RAB38: variants seen among roughly 807,000 people sequenced by gnomAD.
The protein encoded by RAB38 is RAB38, member RAS oncogene family.
In RAB38, 15 loss-of-function variants were observed where a neutral mutation model predicts 18.4. That is an observed-to-expected ratio of 0.82 (90% CI 0.55 to 1.26). The LOEUF is 1.26. Among genes scored for constraint, RAB38 ranks in the 50% most tolerant of loss-of-function variants. The pLI is 0.00. For missense variants in RAB38, 294 were observed against 267.4 expected (o/e 1.10, Z -0.69); for synonymous variants, 101 against 104.4 (o/e 0.97, Z 0.20).
chr11:88,121,730 T>C (rs1402941581), intron 2 of RAB38, among the ~76,000 whole-genome samples: 1 of 152,218 alleles, frequency 6.6e-6, no homozygotes, highest in Middle Eastern at 3.4e-3. Context: ...GCCCAGCTAA[T>C]TTTTTGTATT....
In RAB38 at chr11:88,158,786, C is replaced by T. The variant is rs78694455; in HGVS notation, c.203-8831G>A. Among the ~76,000 whole-genome samples the T allele has an allele frequency of 5.5e-3, 829 of 151,990 alleles. 3 individuals carry two copies. Among genetic ancestry groups the T allele is most frequent in the African/African-American group, 0.019 (791 of 41,472 alleles). On this transcript the variant is annotated intron_variant, in intron 1 of 2. Transcript: ENST00000243662. ...CATGCCTCAACATAATAAGAGTGAT[C>T]GATGACAAACCCACAGTCAACATGA...
At chr11:87,922,338 T>C in the RAB38 span, among the ~76,000 whole-genome samples, 4 of 152,062 alleles carry the variant, frequency 2.6e-5, no homozygotes, top group Non-Finnish European at 4.4e-5. Flanking sequence ...CATTTATTAA[T>C]TAAAAAATAC....
the RAB38 span, among the ~76,000 whole-genome samples, chr11:87,819,569 T>C: frequency 1.3e-5 from 2 of 151,874 alleles, no homozygotes; most frequent in South Asian, 4.1e-4. Flanking sequence ...ATTTCCCCTG[T>C]AGATTATGCC....
intron 2 of RAB38, 84 bp downstream of exon 2, chr11:88,149,591 A>G: frequency 2.8e-6 from 4 of 1,443,646 alleles, no homozygotes; most frequent in Non-Finnish European, 3.8e-6. Flanking sequence ...ACATATTATT[A>G]TCATTATGAT....
chr11:88,119,544 G>A (rs1034038684), intron 2 of RAB38, among the ~76,000 whole-genome samples: 4 of 151,784 alleles, frequency 2.6e-5, no homozygotes, highest in Middle Eastern at 3.4e-3. Flanking sequence ...CTCATCTTTC[G>A]GTGGAGGAAG....
At chr11:87,912,932 T>C in the RAB38 span, among the ~76,000 whole-genome samples, 3 of 151,868 alleles carry the variant, frequency 2.0e-5, no homozygotes, top group Non-Finnish European at 2.9e-5. Context: ...ATCTCTTAAA[T>C]GTTGATATGC....
At chr11:87,873,418 G>C in the RAB38 span, among the ~76,000 whole-genome samples, 4 of 151,562 alleles carry the variant, frequency 2.6e-5, no homozygotes, top group East Asian at 7.8e-4. Context: ...TCTCTTGACA[G>C]TATTTTTTGC....
intron 1 of RAB38, among the ~76,000 whole-genome samples, chr11:88,155,755 A>T (rs1419072983): frequency 1.3e-5 from 2 of 152,216 alleles, no homozygotes; most frequent in African/African-American, 4.8e-5. Flanking sequence ...GCTCAATGAG[A>T]TCCAATATAA....
At chr11:87,956,920 A>G in the RAB38 span, among the ~76,000 whole-genome samples, 7 of 151,994 alleles carry the variant, frequency 4.6e-5, no homozygotes, top group South Asian at 4.2e-4. Context: ...TGTTTTTTGT[A>G]CACTGACATT....
chr11:87,911,170 G>C, the RAB38 span, among the ~76,000 whole-genome samples: 1 of 151,960 alleles, frequency 6.6e-6, no homozygotes, highest in Non-Finnish European at 1.5e-5. Flanking sequence ...CTTGACTATA[G>C]TAACTACACT....
At chr11:87,805,817 G>C in the RAB38 span, among the ~76,000 whole-genome samples, 1 of 152,016 alleles carries the variant, frequency 6.6e-6, no homozygotes, top group Non-Finnish European at 1.5e-5. Context: ...ATAGAGACCA[G>C]GAAAGAGTTG....
At chr11:87,963,740 G>A in the RAB38 span, among the ~76,000 whole-genome samples, 3 of 150,630 alleles carry the variant, frequency 2.0e-5, no homozygotes, top group East Asian at 3.9e-4. Flanking sequence ...TCTGCCTCCC[G>A]GGTTCAAGTG....
the RAB38 span, among the ~76,000 whole-genome samples, chr11:87,953,742 AG>A: frequency 6.6e-6 from 1 of 152,266 alleles, no homozygotes; most frequent in Non-Finnish European, 1.5e-5. Flanking sequence ...CCTGAAGATA[AG>A]GGGAAACTAC....
the RAB38 span, among the ~76,000 whole-genome samples, chr11:87,842,813 C>CGT: frequency 7.7e-5 from 5 of 64,706 alleles, no homozygotes; most frequent in Non-Finnish European, 8.8e-5. Context: ...CACACACGCG[C>CGT]GCGCACACAC....
chr11:88,005,434 A>T, the RAB38 span, among the ~76,000 whole-genome samples: 1 of 151,480 alleles, frequency 6.6e-6, no homozygotes, highest in Non-Finnish European at 1.5e-5. Context: ...CCCATTTTAA[A>T]AATAAATGAG....
At chr11:88,019,086 T>C in the RAB38 span, among the ~76,000 whole-genome samples, 455 of 152,152 alleles carry the variant, frequency 3.0e-3, 6 homozygotes, top group African/African-American at 0.011. Context: ...CAATTCATAT[T>C]TTTTTTCCTC....
At chr11:87,904,728 A>G in the RAB38 span, among the ~76,000 whole-genome samples, 1 of 151,742 alleles carries the variant, frequency 6.6e-6, no homozygotes, top group South Asian at 2.1e-4. Flanking sequence ...TTTTGTCTGC[A>G]ACATGCCAGC....
chr11:88,174,620 C>CAAAAAAAAA (rs60026669), intron 1 of RAB38, among the ~76,000 whole-genome samples: 262 of 100,488 alleles, frequency 2.6e-3, no homozygotes, highest in African/African-American at 3.7e-3. Context: ...AAGCAAAAAG[C>CAAAAAAAAA]AAAAAAAAAA....
chr11:87,891,949 T>C, the RAB38 span, among the ~76,000 whole-genome samples: 1 of 151,880 alleles, frequency 6.6e-6, no homozygotes, highest in Admixed American at 6.6e-5. Context: ...TCATGTGATA[T>C]AGTAATTGTT....
Sources: gnomAD v4.1 joint callset for allele counts (sites outside exome capture counted in the v4.1 genomes callset) on GRCh38, gnomAD v4.1.1 for gene constraint, MANE v1.5 for transcripts, NCBI Gene and HGNC (gene_info 2026-07-23, HGNC 2026-07-21) for gene names.